PCF11: variants seen among roughly 807,000 people sequenced by gnomAD.
PCF11 encodes PCF11 cleavage and polyadenylation factor subunit, also known as pre-mRNA cleavage complex 2 protein Pcf11.
In PCF11, 19 loss-of-function variants were observed where a neutral mutation model predicts 166.1. The ratio of observed to expected loss-of-function variants is 0.11; its 90% confidence interval spans 0.08 to 0.17. The LOEUF (loss-of-function observed/expected upper bound fraction) is 0.17, where lower values mean the gene tolerates loss of function less well. Among genes scored for constraint, PCF11 ranks in the 10% least tolerant of loss-of-function variants. The probability of loss-of-function intolerance (pLI) is 1.00; values close to 1 mark genes in which losing one functional copy is unlikely to be tolerated. For missense variants in PCF11, 1,565 were observed against 1,855.5 expected (o/e 0.84, Z 2.88); for synonymous variants, 663 against 644.1 (o/e 1.03, Z -0.44).
intron 14 of PCF11, 150 bp from the exon 15 acceptor site, chr11:83,182,888 G>A (rs2135448837): frequency 1.6e-6 from 1 of 631,036 alleles, no homozygotes; most frequent in Non-Finnish European, 2.8e-6. Flanking sequence ...TTAAGCATAA[G>A]GATGAAAATT....
exon 4 of PCF11, chr11:83,164,290 T>C (rs2135420410): frequency 6.2e-7 from 1 of 1,613,718 alleles, no homozygotes; most frequent in East Asian, 2.2e-5. Flanking sequence ...TACAAAAGAA[T>C]CTTACACAAG....
In PCF11 at chr11:83,177,167, A is replaced by G. The variant is rs189450665; in HGVS notation, c.3840A>G (p.Gly1280=). 1,773 of 1,574,424 alleles carry G rather than the reference A, an allele frequency of 1.1e-3. 2 individuals carry two copies. The highest frequency in any genetic ancestry group is 1.4e-3 in the Non-Finnish European group (1,642 of 1,159,024). Residue 1280 remains glycine, a synonymous_variant, in exon 10 of 16, where the codon GGA becomes GGG. Transcript: ENST00000298281. ...TGTTTTCAAAATTGCTAAAAACAGGAATTCTCAAATTGTCCCAAACTGATT... is the reference window on the plus strand; with the variant it reads ...TGTTTTCAAAATTGCTAAAAACAGGGATTCTCAAATTGTCCCAAACTGATT...
Position 83,163,651 on chromosome 11 carries a change from A to G in PCF11, c.319-28A>G, listed in dbSNP as rs560421848. The G allele has an allele frequency of 3.3e-6, 3 of 920,896 alleles. No individual in the cohort carries two copies. In the South Asian group the frequency reaches 7.9e-5, roughly 24 times the overall value. 57.0% of individuals were successfully genotyped at this position (920,896 alleles called of 1,614,324 possible). A position where few individuals can be genotyped will look rare whatever the true frequency, so the allele number is the denominator to read the frequency against. The stretch of plus-strand genomic sequence containing the variant: ...ATAAAATATTCTATAGTAACTTAAC[A>G]AGCCATAGAATTGTTCTGTTGTTCT... On this transcript the variant is annotated intron_variant, in intron 2 of 15. Coordinates refer to ENST00000298281, the Ensembl canonical transcript of PCF11.
exon 16 of PCF11, chr11:83,186,821 A>G (rs1861308777): frequency 6.6e-6 from 1 of 152,226 alleles, no homozygotes; most frequent in Admixed American, 6.5e-5. Context: ...CCAAAAATGT[A>G]GGCAAAACTT....
At chr11:83,157,962 A>G in intron 1 of PCF11, 1 of 259,748 alleles carries the variant, frequency 3.8e-6, no homozygotes, top group African/African-American at 2.2e-5. Flanking sequence ...TTGGGGAAGT[A>G]AGAGTTAACA....
chr11:83,185,913 GT>G (rs1861274743), exon 16 of PCF11: 1 of 152,582 alleles, frequency 6.6e-6, no homozygotes, highest in Non-Finnish European at 1.5e-5. Context: ...TCTGAGACAG[GT>G]TAGTCTTTTC....
rs983398869 is a variant in PCF11, at chr11:83,157,134, C to T, written c.-306C>T. 13 of 520,602 alleles carry T rather than the reference C, an allele frequency of 2.5e-5. No homozygotes were observed. The highest frequency in any genetic ancestry group is 4.9e-4 in the Middle Eastern group (1 of 2,022). 32.2% of individuals were successfully genotyped at this position (520,602 alleles called of 1,614,324 possible). ...TTCCCCTCCCCTAGTTCATTTCGCA[C>T]GACGCAGCGGTTGGGAACACAGACA... On this transcript the variant is annotated 5_prime_UTR_variant, in exon 1 of 16. The change creates a new upstream start codon in the 5' untranslated region. Transcript: ENST00000298281.
intron 9 of PCF11, among the ~76,000 whole-genome samples, chr11:83,173,447 C>G (rs1042234698): frequency 6.6e-6 from 1 of 150,784 alleles, no homozygotes; most frequent in Non-Finnish European, 1.5e-5. Flanking sequence ...GAGTGAGACT[C>G]CGTCTCAGAA....
At chr11:83,181,038 C>T (rs1037503617) in exon 12 of PCF11, 8 of 1,591,086 alleles carry the variant, frequency 5.0e-6, no homozygotes, top group African/African-American at 2.7e-5. Context: ...ATCGACTGTA[C>T]ACTGGTATTC....
rs554217060 is a variant in PCF11, at chr11:83,164,187, C to T, written c.508-20C>T. The T allele has an allele frequency of 6.4e-7, 1 of 1,571,712 alleles. No homozygotes were observed. On this transcript the variant is annotated intron_variant, in intron 3 of 15. Transcript: ENST00000298281. Reference sequence around the variant, plus strand: ...TTTTAGCTGATACGTTTTTCTTAAACAAATTGTCTTTTCTTATAGCCCGAG... The same window carrying T: ...TTTTAGCTGATACGTTTTTCTTAAATAAATTGTCTTTTCTTATAGCCCGAG...
chr11:83,168,348 T>C (rs1860546622), intron 7 of PCF11, 80 bp from the exon 8 acceptor site: 9 of 1,279,480 alleles, frequency 7.0e-6, no homozygotes, highest in South Asian at 6.2e-5. Flanking sequence ...GAGATAGTTA[T>C]ATATTTGGAT....
intron 1 of PCF11, among the ~76,000 whole-genome samples, chr11:83,159,586 AAGAC>A (rs927349602): frequency 6.6e-6 from 1 of 152,178 alleles, no homozygotes. Context: ...TTGCTGGTAA[AAGAC>A]AGCTGAAATT....
intron 9 of PCF11, among the ~76,000 whole-genome samples, chr11:83,173,046 G>A (rs1455043206): frequency 6.6e-6 from 1 of 152,148 alleles, no homozygotes; most frequent in Non-Finnish European, 1.5e-5. Context: ...AAAAGAGAAG[G>A]AAAGAATTTG....
At chr11:83,164,217 C>T (rs1318168876) in exon 4 of PCF11, 1 of 1,608,980 alleles carries the variant, frequency 6.2e-7, no homozygotes, top group Non-Finnish European at 8.5e-7. Context: ...CCCGAGGAGC[C>T]TTCAACACCT....
intron 15 of PCF11, 87 bp downstream of exon 15, chr11:83,183,160 G>T: frequency 1.4e-6 from 1 of 738,542 alleles, no homozygotes. Context: ...GAGCAATATT[G>T]TTATTTTAAA....
At chr11:83,172,029 G>C (rs1311352792) in intron 9 of PCF11, 115 bp downstream of exon 9, 1 of 632,350 alleles carries the variant, frequency 1.6e-6, no homozygotes, top group Non-Finnish European at 2.8e-6. Context: ...TTAATTTAGA[G>C]AAATTTAATC....
chr11:83,165,131 AG>A (rs1224233133), intron 4 of PCF11, among the ~76,000 whole-genome samples: 5 of 152,200 alleles, frequency 3.3e-5, no homozygotes, highest in Non-Finnish European at 1.5e-5. Flanking sequence ...CTTTATACTA[AG>A]TTATTTTGCT....
At chr11:83,170,386 C>A (rs1860645753) in intron 8 of PCF11, among the ~76,000 whole-genome samples, 1 of 152,054 alleles carries the variant, frequency 6.6e-6, no homozygotes. Context: ...GTTCTTTGAC[C>A]AAGAATTTCC....
chr11:83,176,369 A>G (rs186629203), intron 9 of PCF11, among the ~76,000 whole-genome samples: 87 of 152,372 alleles, frequency 5.7e-4, no homozygotes, highest in Admixed American at 2.4e-3. Flanking sequence ...TCATGCTTTT[A>G]TAAAGACACG....
Sources: gnomAD v4.1 joint callset for allele counts (sites outside exome capture counted in the v4.1 genomes callset) on GRCh38, gnomAD v4.1.1 for gene constraint, MANE v1.5 for transcripts, NCBI Gene and HGNC (gene_info 2026-07-23, HGNC 2026-07-21) for gene names.